The following FXN variants were observed in gnomAD, a reference collection of about 807,000 sequenced individuals.
The protein encoded by FXN is frataxin, mitochondrial.
A neutral mutation model predicts 22.4 loss-of-function variants in FXN; 14 were observed. The ratio of observed to expected loss-of-function variants is 0.62; its 90% CI spans 0.41 to 0.98. FXN has a LOEUF of 0.98. Ranked by LOEUF, FXN falls within the 50% of genes least tolerant of loss-of-function variation. The pLI is 0.00. For synonymous variants in FXN, 120 were observed against 114.1 expected (o/e 1.05, Z -0.33); for missense variants, 267 against 268.4 (o/e 0.99, Z 0.04).
rs992322273 is a variant in FXN, at chr9:69,035,799, G to T, written c.17G>T (p.Arg6Leu). Residue 6 changes from arginine (R) to leucine (L), a missense_variant, in exon 1 of 5, where the codon CGC (arginine) becomes CTC (leucine). Coordinates refer to ENST00000484259, the MANE Select transcript of FXN (RefSeq NM_000144.5). MWTLGRRAVAGLLASP... is the reference protein window; with the variant it reads MWTLGLRAVAGLLASP... ...CGGAGCAGCATGTGGACTCTCGGGCGCCGCGCAGTAGCCGGCCTCCTGGCG... is the reference window on the plus strand; with the variant it reads ...CGGAGCAGCATGTGGACTCTCGGGCTCCGCGCAGTAGCCGGCCTCCTGGCG... The T allele has an allele frequency of 5.3e-6, 8 of 1,510,322 alleles. No homozygotes were observed. In the South Asian group the frequency reaches 7.4e-5, roughly 14 times the overall value. 93.6% of individuals were successfully genotyped at this position (1,510,322 alleles called of 1,614,324 possible).
Position 69,073,255 on chromosome 9 carries a change from C to G in FXN, c.*493C>G. ...GGCTTCTTTCAAAGTGTAAGCACTTCTGAGCTCTTTAGCATTGAAGTGTCG... is the reference window on the plus strand; with the variant it reads ...GGCTTCTTTCAAAGTGTAAGCACTTGTGAGCTCTTTAGCATTGAAGTGTCG... On this transcript the variant is annotated 3_prime_UTR_variant, in exon 5 of 5. Transcript: ENST00000484259. The G allele has an allele frequency of 2.0e-6, 2 of 1,025,386 alleles. No individual in the cohort carries two copies. Among genetic ancestry groups the G allele is most frequent in the East Asian group, 1.8e-4 (2 of 11,200 alleles). The allele number at this position is 1,025,386 out of a possible 1,614,324, so 63.5% of individuals were successfully genotyped here.
At position 69,074,583 on chromosome 9, in the gene FXN, C is replaced by T. The variant is rs1832334375; in HGVS notation, c.*1821C>T. 1 of 984,788 alleles carries T rather than the reference C, an allele frequency of 1.0e-6. No homozygotes were observed. Among genetic ancestry groups the T allele is most frequent in the South Asian group, 4.7e-5 (1 of 21,270 alleles). The allele number at this position is 984,788 out of a possible 1,614,324, so 61.0% of individuals were successfully genotyped here. ...GTATTAATATGTAGCAAAGGCTTTT[C>T]CAATGGGTGAATAAAAACACATTCC... is the stretch of plus-strand genomic sequence containing the variant. On this transcript the variant is annotated 3_prime_UTR_variant, in exon 5 of 5. Transcript: ENST00000484259.
intron 3 of FXN, among the ~76,000 whole-genome samples, chr9:69,058,949 T>A (rs758767026): frequency 5.3e-5 from 8 of 152,026 alleles, no homozygotes; most frequent in Non-Finnish European, 7.4e-5. Context: ...GCACCTGTAG[T>A]CCCAGCTACT....
In FXN at chr9:69,072,808, C is replaced by G; in HGVS notation, c.*46C>G. The stretch of plus-strand genomic sequence containing the variant: ...ACATTAAAAGCTATCAGGCCAAGAC[C>G]CCAGCTTCATTATGCAGCTGAGGTC... On this transcript the variant is annotated 3_prime_UTR_variant, in exon 5 of 5. Transcript: ENST00000484259. 1 of 1,613,210 alleles carries G rather than the reference C, an allele frequency of 6.2e-7. No individual in the cohort carries two copies. The highest frequency in any genetic ancestry group is 2.2e-5 in the East Asian group (1 of 44,826).
chr9:69,078,296 T>G lies in FXN; in HGVS notation c.*5534T>G, dbSNP rs930791823. The G allele has an allele frequency of 2.0e-6, 2 of 985,418 alleles. No individual in the cohort carries two copies. Among genetic ancestry groups the G allele is most frequent in the Non-Finnish European group, 2.4e-6 (2 of 829,996 alleles). 61.0% of individuals were successfully genotyped at this position (985,418 alleles called of 1,614,324 possible). A position where few individuals can be genotyped will look rare whatever the true frequency, so the allele number is the denominator to read the frequency against. On this transcript the variant is annotated 3_prime_UTR_variant, in exon 5 of 5. Coordinates refer to ENST00000484259, the MANE Select transcript of FXN (RefSeq NM_000144.5). ...CCAGAGCATAGCCACCTGATCCTGC[T>G]GGGATTCCTCTTGCCAGTCCATCAG...
At chr9:69,039,429 T>C (rs143416705) in intron 1 of FXN, among the ~76,000 whole-genome samples, 2 of 152,314 alleles carry the variant, frequency 1.3e-5, no homozygotes, top group African/African-American at 2.4e-5. Context: ...TACCTGATCA[T>C]TGGTTCTCAG....
intron 1 of FXN, among the ~76,000 whole-genome samples, chr9:69,039,607 G>A (rs1317778819): frequency 2.0e-5 from 3 of 152,118 alleles, no homozygotes; most frequent in Admixed American, 6.6e-5. Flanking sequence ...CATCTTTAAC[G>A]TTTCCTCTTA....
In FXN at chr9:69,078,815, TC is replaced by T. The variant is rs1240304876; in HGVS notation, c.*6054del. The T allele has an allele frequency of 1.0e-6, 1 of 985,544 alleles. No homozygotes were observed. 61.0% of individuals were successfully genotyped at this position (985,544 alleles called of 1,614,324 possible). On this transcript the variant is annotated 3_prime_UTR_variant, in exon 5 of 5. Transcript: ENST00000484259. ...ACAGCCTTGCAAACTCCTCCTCCACTCAGCCTCTGCCTGGATGCCCTTGATT... is the reference window on the plus strand; with the variant it reads ...ACAGCCTTGCAAACTCCTCCTCCACTAGCCTCTGCCTGGATGCCCTTGATT...
chr9:69,042,722 T>G (rs930992768), intron 1 of FXN, among the ~76,000 whole-genome samples: 4 of 152,124 alleles, frequency 2.6e-5, no homozygotes, highest in Non-Finnish European at 5.9e-5. Flanking sequence ...AAACAGCTAT[T>G]GTGAAGGTAT....
chr9:69,037,535 G>A (rs970324436), intron 1 of FXN, among the ~76,000 whole-genome samples: 2 of 152,146 alleles, frequency 1.3e-5, no homozygotes, highest in African/African-American at 4.8e-5. Flanking sequence ...AAATAGGCAA[G>A]TGTGGCCATG....
chr9:69,075,809 C>A lies in FXN; in HGVS notation c.*3047C>A. ...ACAGTGGTACAATCAAAGCTCATGG[C>A]AGCCTCGACCTCCCTGGGCTTGGGC... On this transcript the variant is annotated 3_prime_UTR_variant, in exon 5 of 5. Transcript: ENST00000484259. 2 of 715,864 alleles carry A rather than the reference C, an allele frequency of 2.8e-6. No individual in the cohort carries two copies. The highest frequency in any genetic ancestry group is 3.4e-6 in the Non-Finnish European group (2 of 584,286). 44.3% of individuals were successfully genotyped at this position (715,864 alleles called of 1,614,324 possible). A position where few individuals can be genotyped will look rare whatever the true frequency, so the allele number is the denominator to read the frequency against.
At position 69,076,627 on chromosome 9, in the gene FXN, C is replaced by A. The variant is rs1832373984; in HGVS notation, c.*3865C>A. ...CCCCAAATTCTGACAGATGCTTTTG[C>A]CACCTCTAAAGGAAGACCCATGTTC... On this transcript the variant is annotated 3_prime_UTR_variant, in exon 5 of 5. Coordinates refer to ENST00000484259, the MANE Select transcript of FXN (RefSeq NM_000144.5). The A allele has an allele frequency of 2.0e-6, 2 of 985,438 alleles. No individual in the cohort carries two copies. 61.0% of individuals were successfully genotyped at this position (985,438 alleles called of 1,614,324 possible).
At chr9:69,042,245 A>G (rs1221439485) in intron 1 of FXN, among the ~76,000 whole-genome samples, 1 of 151,230 alleles carries the variant, frequency 6.6e-6, no homozygotes. Flanking sequence ...CTCAGAAAAA[A>G]AAAAAAAAAG....
Position 69,072,709 on chromosome 9 carries a change from T to C in FXN, c.580T>C (p.Leu194=). The change falls in exon 5 of 5, where the codon TTA becomes CTA. Residue 194 remains leucine, a synonymous_variant. Transcript: ENST00000484259. Reference sequence around the variant, plus strand: ...GCTGGCCGCAGAGCTCACTAAAGCCTTAAAAACCAAACTGGACTTGTCTTC... The same window carrying C: ...GCTGGCCGCAGAGCTCACTAAAGCCCTAAAAACCAAACTGGACTTGTCTTC... ...ELLAAELTKA[L]KTKLDLSSLA... 7 of 1,614,222 alleles carry C rather than the reference T, an allele frequency of 4.3e-6. No homozygotes were observed. The highest frequency in any genetic ancestry group is 5.9e-6 in the Non-Finnish European group (7 of 1,180,044).
At chr9:69,040,385 G>A (rs1245783301) in intron 1 of FXN, among the ~76,000 whole-genome samples, 2 of 152,122 alleles carry the variant, frequency 1.3e-5, no homozygotes, top group Admixed American at 6.5e-5. Flanking sequence ...ATATTTATAC[G>A]CTGCCGGGCG....
chr9:69,075,634 G>A lies in FXN; in HGVS notation c.*2872G>A. ...TTTATGGTGTGGTCCAGTCATCCATGTGAAGGATGAGTTTCCAGGAAAAGG... is the reference window on the plus strand; with the variant it reads ...TTTATGGTGTGGTCCAGTCATCCATATGAAGGATGAGTTTCCAGGAAAAGG... On this transcript the variant is annotated 3_prime_UTR_variant, in exon 5 of 5. Transcript: ENST00000484259. The A allele has an allele frequency of 1.0e-6, 1 of 985,314 alleles. No homozygotes were observed. Among genetic ancestry groups the A allele is most frequent in the Non-Finnish European group, 1.2e-6 (1 of 829,820 alleles). The allele number at this position is 985,314 out of a possible 1,614,324, so 61.0% of individuals were successfully genotyped here. A position where few individuals can be genotyped will look rare whatever the true frequency, so the allele number is the denominator to read the frequency against.
Position 69,064,863 on chromosome 9 carries a change from T to C in FXN, c.385-75T>C, listed in dbSNP as rs1312204628. 4.8e-6 allele frequency: 4 copies of C among 832,034 alleles called. No individual in the cohort carries two copies. The East Asian group carries it at 7.3e-5, about 15-fold the overall frequency. The allele number at this position is 832,034 out of a possible 1,614,324, so 51.5% of individuals were successfully genotyped here. A position where few individuals can be genotyped will look rare whatever the true frequency, so the allele number is the denominator to read the frequency against. On this transcript the variant is annotated intron_variant, in intron 3 of 4. Coordinates refer to ENST00000484259, the MANE Select transcript of FXN (RefSeq NM_000144.5). The stretch of plus-strand genomic sequence containing the variant: ...AAATGGAAAGTGTTGAGATAAAACA[T>C]GAAGCAATGATGACAAAGTGCTAAC...
At chr9:69,054,881 A>T (rs150704179) in intron 3 of FXN, among the ~76,000 whole-genome samples, 1 of 152,326 alleles carries the variant, frequency 6.6e-6, no homozygotes, top group East Asian at 1.9e-4. Flanking sequence ...TTTTGGATTC[A>T]ATCATGGAAT....
rs1469077440 is a variant in FXN at position 69,074,013 on chromosome 9, G to A, written c.*1251G>A. ...AGCCTGGCCAACATGATGAAACCCC[G>A]TCTCTACTAAAAATACAAAAAATTA... On this transcript the variant is annotated 3_prime_UTR_variant, in exon 5 of 5. Transcript: ENST00000484259. The A allele has an allele frequency of 8.7e-5, 33 of 377,966 alleles. 1 individual carries two copies. In the Admixed American group the frequency reaches 1.9e-3, roughly 21 times the overall value. The allele number at this position is 377,966 out of a possible 1,614,324, so 23.4% of individuals were successfully genotyped here. A position where few individuals can be genotyped will look rare whatever the true frequency, so the allele number is the denominator to read the frequency against.
Sources: allele counts gnomAD v4.1 joint callset (sites outside exome capture counted in the v4.1 genomes callset), GRCh38; gene constraint gnomAD v4.1.1; transcripts MANE v1.5; gene names NCBI Gene and HGNC (gene_info 2026-07-23, HGNC 2026-07-21).